RP1: variants seen among roughly 807,000 people sequenced by gnomAD.
RP1 encodes the protein oxygen-regulated protein 1.
RP1 carries 16 observed loss-of-function variants against 14.8 expected under a neutral mutation model. The observed-to-expected ratio is 1.08, with a 90% CI of 0.73 to 1.65. RP1 has a LOEUF of 1.65. RP1 is among the 40% of genes most tolerant of loss of function. RP1 has a pLI of 0.00. For synonymous variants in RP1, 876 were observed against 883.6 expected (o/e 0.99, Z 0.15); for missense variants, 2,631 against 2,535.0 (o/e 1.04, Z -0.81).
chr8:54,564,359 T>G (rs1304644256), intron 1 of RP1, among the ~76,000 whole-genome samples: 2 of 152,206 alleles, frequency 1.3e-5, no homozygotes, highest in Non-Finnish European at 2.9e-5. Context: ...GCTGGAAACC[T>G]AGATCCAGCA....
At chr8:54,611,025 A>T (rs994837935) in intron 1 of RP1, among the ~76,000 whole-genome samples, 1 of 152,182 alleles carries the variant, frequency 6.6e-6, no homozygotes, top group Non-Finnish European at 1.5e-5. Context: ...CTTGGCTGGC[A>T]GTTCTTTTCC....
Position 54,628,638 on chromosome 8 carries a change from C to G in RP1, c.4756C>G (p.Pro1586Ala). Reference protein sequence around the residue: ...SPDLKKCIKSPVTSDWSDYRP... With the variant: ...SPDLKKCIKSAVTSDWSDYRP... ...TGATTTAAAAAAATGCATCAAAAGTCCAGTGACTTCTGATTGGTCAGACTA... is the reference window on the plus strand; with the variant it reads ...TGATTTAAAAAAATGCATCAAAAGTGCAGTGACTTCTGATTGGTCAGACTA... The change falls in exon 4 of 4, where the codon CCA becomes GCA. Residue 1586 changes from proline (P) to alanine (A), a missense_variant. Pro to Ala is a conservative substitution (Grantham distance 27, BLOSUM62 -1). Coordinates refer to ENST00000220676, the MANE Select transcript of RP1 (RefSeq NM_006269.2). 2 of 1,613,994 alleles carry G rather than the reference C, an allele frequency of 1.2e-6. No homozygotes were observed. The highest frequency in any genetic ancestry group is 2.2e-5 in the South Asian group (2 of 91,074).
chr8:54,812,967 C>A (rs1466876128), intron 24 of RP1, among the ~76,000 whole-genome samples: 1 of 152,206 alleles, frequency 6.6e-6, no homozygotes, highest in East Asian at 1.9e-4. Context: ...ATCTGGCCAA[C>A]AGATTTTATT....
intron 24 of RP1, among the ~76,000 whole-genome samples, chr8:54,804,915 T>C (rs1396354929): frequency 6.6e-6 from 1 of 152,266 alleles, no homozygotes; most frequent in Non-Finnish European, 1.5e-5. Flanking sequence ...ACCCTAATAA[T>C]GGAGACTATT....
chr8:54,606,304 C>T (rs1016631277), intron 1 of RP1, among the ~76,000 whole-genome samples: 22 of 152,122 alleles, frequency 1.4e-4, no homozygotes, highest in Non-Finnish European at 2.6e-4. Context: ...ACTTATGAAG[C>T]TTAGTTTGGC....
intron 24 of RP1, among the ~76,000 whole-genome samples, chr8:54,787,603 C>T (rs536837141): frequency 5.9e-5 from 9 of 152,196 alleles, no homozygotes; most frequent in East Asian, 1.9e-4. Context: ...CAAATTGAAA[C>T]GCTAAATAGT....
chr8:54,644,967 A>G (rs1210608144), intron 3 of RP1, among the ~76,000 whole-genome samples: 1 of 152,044 alleles, frequency 6.6e-6, no homozygotes, highest in Non-Finnish European at 1.5e-5. Flanking sequence ...TCTCTTTTCT[A>G]AGTTGTATTG....
At position 54,596,827 on chromosome 8, in the gene RP1, T is replaced by C. The variant is rs1012531341; in HGVS notation, c.-12-24128T>C. On this transcript the variant is annotated intron_variant, in intron 1 of 22. Transcript: ENST00000636932. ...CCATCTCCTTGCCTTCTACAACCAA[T>C]CTATTGTTATGTTATTTTGGGTCCA... 5.9e-5 allele frequency among the ~76,000 whole-genome samples: 9 copies of C among 152,312 alleles called. No individual in the cohort carries two copies. In the East Asian group the frequency reaches 1.7e-3, roughly 29 times the overall value.
In RP1 at chr8:54,727,866, A is replaced by G. The variant is rs190387694; in HGVS notation, c.2521+1390A>G. ...AAATATCCAGAGCATACGAGACACA[A>G]AATAAAATTTAAGTCAATAATTAAT... is the stretch of plus-strand genomic sequence containing the variant. On this transcript the variant is annotated intron_variant, in intron 17 of 22. Transcript: ENST00000636932. 1.1e-4 allele frequency among the ~76,000 whole-genome samples: 17 copies of G among 151,996 alleles called. No individual in the cohort carries two copies. In the East Asian group the frequency reaches 3.3e-3, roughly 29 times the overall value.
chr8:54,845,239 G>C (rs1327687311), intron 25 of RP1, among the ~76,000 whole-genome samples: 4 of 152,190 alleles, frequency 2.6e-5, no homozygotes, highest in Admixed American at 6.5e-5. Context: ...GCCTGGGAAG[G>C]TGGCCTAGAA....
chr8:54,583,942 A>G (rs1171901796), intron 1 of RP1, among the ~76,000 whole-genome samples: 9 of 152,136 alleles, frequency 5.9e-5, no homozygotes. Flanking sequence ...TGATCTTTTC[A>G]AAAAACCAGC....
chr8:54,616,892 G>A (rs1487067368), intron 1 of RP1, among the ~76,000 whole-genome samples: 1 of 152,178 alleles, frequency 6.6e-6, no homozygotes, highest in Non-Finnish European at 1.5e-5. Flanking sequence ...GTTCTGAGCA[G>A]CACAGCTGTA....
At chr8:54,574,974 C>A (rs1049523348) in intron 1 of RP1, among the ~76,000 whole-genome samples, 2 of 152,140 alleles carry the variant, frequency 1.3e-5, no homozygotes, top group African/African-American at 4.8e-5. Flanking sequence ...GGGGATATTT[C>A]TATATTTTAT....
chr8:54,824,591 G>A (rs1811338795), intron 24 of RP1, among the ~76,000 whole-genome samples: 2 of 152,130 alleles, frequency 1.3e-5, no homozygotes, highest in African/African-American at 4.8e-5. Context: ...ACTAAAACGA[G>A]ATAAACACAT....
chr8:54,709,372 G>A (rs1466284585), intron 15 of RP1, among the ~76,000 whole-genome samples: 1 of 152,140 alleles, frequency 6.6e-6, no homozygotes, highest in Non-Finnish European at 1.5e-5. Flanking sequence ...CCTTCCTGAA[G>A]GGCTTCACAG....
chr8:54,771,265 T>C (rs1358611419), downstream of RP1, among the ~76,000 whole-genome samples: 1 of 152,030 alleles, frequency 6.6e-6, no homozygotes, highest in East Asian at 1.9e-4. Context: ...GTCTGTGTCT[T>C]ACAATAAACC....
rs561867362 is a variant in RP1, at chr8:54,712,493, C to A, written c.2211+5838C>A. 2.0e-5 allele frequency among the ~76,000 whole-genome samples: 3 copies of A among 152,246 alleles called. No homozygotes were observed. In the South Asian group the frequency reaches 6.2e-4, roughly 32 times the overall value. ...TGAACATCAGGGTTCTCCTGTGGGT[C>A]ACCAGTTGTTTTGTGCATTAACAAT... On this transcript the variant is annotated intron_variant, in intron 15 of 22. Transcript: ENST00000636932.
downstream of RP1, among the ~76,000 whole-genome samples, chr8:54,631,671 CT>C (rs77435572): frequency 0.031 from 4,559 of 144,918 alleles, 128 homozygotes; most frequent in African/African-American, 0.068. Flanking sequence ...CTTTTTACTA[CT>C]TTTTTTTTTT....
Position 54,630,089 on chromosome 8 carries a change from C to T in RP1, c.6207C>T (p.Asn2069=). The T allele has an allele frequency of 6.2e-7, 1 of 1,613,930 alleles. No homozygotes were observed. The highest frequency in any genetic ancestry group is 1.3e-5 in the African/African-American group (1 of 75,038). ...TCTTTAAAGCAGTCGATGAGAATAA[C>T]AACTTATTAAATAACAGATTCCAGG... ...NEIFKAVDEN[N]NLLNNRFQGS... The change falls in exon 4 of 4, where the codon AAC becomes AAT. Residue 2069 remains asparagine, a synonymous_variant. Coordinates refer to ENST00000220676, the MANE Select transcript of RP1 (RefSeq NM_006269.2).
Sources: allele counts gnomAD v4.1 joint callset (sites outside exome capture counted in the v4.1 genomes callset), GRCh38; gene constraint gnomAD v4.1.1; transcripts MANE v1.5; gene names NCBI Gene and HGNC (gene_info 2026-07-23, HGNC 2026-07-21).